Variants in ARHGDIB observed in about 807,000 individuals in gnomAD.
The protein encoded by ARHGDIB is Rho GDP dissociation inhibitor beta.
ARHGDIB carries 20 observed loss-of-function variants against 22.6 expected under a neutral mutation model. The ratio of observed to expected loss-of-function variants is 0.88; its 90% CI spans 0.62 to 1.28. The LOEUF (loss-of-function observed/expected upper bound fraction) is 1.28. Among genes scored for constraint, ARHGDIB ranks in the 50% most tolerant of loss-of-function variants. ARHGDIB has a pLI of 0.00. For missense variants in ARHGDIB, 254 were observed against 245.4 expected, an observed-to-expected ratio of 1.04 and a Z score of -0.23; for synonymous variants, 114 against 96.1, an observed-to-expected ratio of 1.19 and a Z score of -1.09.
intron 4 of ARHGDIB, 82 bp downstream of exon 4, chr12:14,947,791 C>T: frequency 8.1e-7 from 1 of 1,234,010 alleles, no homozygotes; most frequent in East Asian, 2.3e-5. Context: ...AAAAGTACCT[C>T]AACATGATCA....
intron 5 of ARHGDIB, among the ~76,000 whole-genome samples, chr12:14,943,286 G>A: frequency 6.6e-6 from 1 of 152,010 alleles, no homozygotes; most frequent in East Asian, 1.9e-4. Flanking sequence ...CCTTCTGTGG[G>A]TCCCAGGGAT....
At chr12:14,944,420 CTT>C (rs2120675540) in intron 5 of ARHGDIB, among the ~76,000 whole-genome samples, 1 of 151,772 alleles carries the variant, frequency 6.6e-6, no homozygotes, top group African/African-American at 2.4e-5. Context: ...TTCTCTGACA[CTT>C]GGGTTTTGTA....
rs548845351 is a variant in ARHGDIB at position 14,959,713 on chromosome 12, C to G, written c.-13+1824G>C. On this transcript the variant is annotated intron_variant, in intron 1 of 5. Coordinates refer to ENST00000228945, the MANE Select transcript of ARHGDIB (RefSeq NM_001175.7). ...AACAGAACCTTAATGTTGCTCAGAG[C>G]TAACTTCCCTAGGGGACAAACTCAT... 2.6e-3 allele frequency among the ~76,000 whole-genome samples: 398 copies of G among 152,290 alleles called. 2 individuals carry two copies. The highest frequency in any genetic ancestry group is 9.2e-3 in the African/African-American group (384 of 41,552).
At position 14,942,913 on chromosome 12, in the gene ARHGDIB, G is replaced by C. The variant is rs138066272; in HGVS notation, c.407-192C>G. Reference sequence around the variant, plus strand: ...GATGGAGTTTTGCTCTTGTTGTCCAGGCTGGAGTGCGGAAGCACAATCTCG... The same window carrying C: ...GATGGAGTTTTGCTCTTGTTGTCCACGCTGGAGTGCGGAAGCACAATCTCG... On this transcript the variant is annotated intron_variant, in intron 5 of 5. Coordinates refer to ENST00000228945, the MANE Select transcript of ARHGDIB (RefSeq NM_001175.7). Among the ~76,000 whole-genome samples the C allele has an allele frequency of 2.1e-3, 319 of 151,810 alleles. 1 individual carries two copies. The highest frequency in any genetic ancestry group is 7.3e-3 in the African/African-American group (303 of 41,352).
chr12:14,961,476 G>A (rs1864409964), intron 1 of ARHGDIB, 61 bp downstream of exon 1: 1 of 152,366 alleles, frequency 6.6e-6, no homozygotes, highest in Non-Finnish European at 1.5e-5. Flanking sequence ...CCCGTCTAGA[G>A]GTTTCCGACT....
chr12:14,947,847 A>G (rs1864057806), intron 4 of ARHGDIB, 26 bp downstream of exon 4: 1 of 1,551,528 alleles, frequency 6.4e-7, no homozygotes. Context: ...TAAACTTTAC[A>G]AAAACACACA....
At chr12:14,943,738 A>T (rs534146391) in intron 5 of ARHGDIB, among the ~76,000 whole-genome samples, 10 of 152,284 alleles carry the variant, frequency 6.6e-5, no homozygotes, top group Admixed American at 1.3e-4. Flanking sequence ...TAGGTGGTTA[A>T]CTGGAATATA....
Position 14,942,573 on chromosome 12 carries a change from G to T in ARHGDIB, c.555C>A (p.Asp185Glu), listed in dbSNP as rs760888228. Residue 185 changes from aspartate (D) to glutamate (E), a missense_variant, in exon 6 of 6, where the codon GAC becomes GAA. Transcript: ENST00000228945. ...KSFFTDDDKQ[D>E]HLSWEWNLSI... ...ACAGGTTCCACTCCCAGCTGAGGTG[G>T]TCTTGCTTGTCATCGTCGGTGAAGA... is the stretch of plus-strand genomic sequence containing the variant. 3 of 1,614,146 alleles carry T rather than the reference G, an allele frequency of 1.9e-6. No homozygotes were observed. Among genetic ancestry groups the T allele is most frequent in the Non-Finnish European group, 2.5e-6 (3 of 1,180,026 alleles).
chr12:14,954,483 C>T (rs777537073), intron 1 of ARHGDIB, among the ~76,000 whole-genome samples: 20 of 152,186 alleles, frequency 1.3e-4, no homozygotes, highest in Admixed American at 3.9e-4. Flanking sequence ...GTGGTCATTC[C>T]GTTTGATTTT....
chr12:14,948,033 G>A, intron 3 of ARHGDIB, 84 bp from the exon 4 acceptor site: 2 of 1,142,266 alleles, frequency 1.8e-6, no homozygotes, highest in Non-Finnish European at 2.6e-6. Context: ...GGAAAAATTT[G>A]TTGGGCCCAC....
intron 4 of ARHGDIB, among the ~76,000 whole-genome samples, chr12:14,945,054 T>C (rs1037679366): frequency 2.6e-5 from 4 of 152,216 alleles, no homozygotes; most frequent in African/African-American, 9.6e-5. Flanking sequence ...CTGGTTTAAT[T>C]ATCGAACATT....
At chr12:14,960,795 G>A (rs534142710) in intron 1 of ARHGDIB, among the ~76,000 whole-genome samples, 9 of 152,310 alleles carry the variant, frequency 5.9e-5, no homozygotes, top group African/African-American at 2.2e-4. Context: ...GAGCCACCAC[G>A]CCCAGCCCTA....
rs1179044880 is a variant in ARHGDIB at position 14,950,737 on chromosome 12, A to G, written c.-12-13T>C. The G allele has an allele frequency of 1.9e-6, 3 of 1,575,694 alleles. No homozygotes were observed. Among genetic ancestry groups the G allele is most frequent in the Non-Finnish European group, 2.6e-6 (3 of 1,165,260 alleles). ...TTCTGATCTATTTCTGGGAGACAGAATGACAGCCCGTTAGTCAACAAGTCA... is the reference window on the plus strand; with the variant it reads ...TTCTGATCTATTTCTGGGAGACAGAGTGACAGCCCGTTAGTCAACAAGTCA... On this transcript the variant is annotated splice_polypyrimidine_tract_variant and intron_variant, in intron 1 of 5. Coordinates refer to ENST00000228945, the MANE Select transcript of ARHGDIB (RefSeq NM_001175.7).
chr12:14,945,359 T>C (rs1166560591), intron 4 of ARHGDIB, among the ~76,000 whole-genome samples: 1 of 152,222 alleles, frequency 6.6e-6, no homozygotes, highest in Non-Finnish European at 1.5e-5. Context: ...GACTGCAATA[T>C]AACTGAAATA....
At chr12:14,949,753 T>C (rs1387311795) in intron 3 of ARHGDIB, 49 bp downstream of exon 3, 2 of 1,577,130 alleles carry the variant, frequency 1.3e-6, no homozygotes, top group East Asian at 4.5e-5. Context: ...CCAAGTTTTC[T>C]TTGTGATATC....
chr12:14,946,732 C>T (rs986591477), intron 4 of ARHGDIB, among the ~76,000 whole-genome samples: 4 of 152,136 alleles, frequency 2.6e-5, no homozygotes, highest in South Asian at 2.1e-4. Context: ...ATCTTAGTCA[C>T]GTCAAAATTT....
intron 3 of ARHGDIB, among the ~76,000 whole-genome samples, chr12:14,948,639 T>C (rs563198113): frequency 1.5e-4 from 23 of 152,338 alleles, no homozygotes; most frequent in Non-Finnish European, 3.1e-4. Context: ...CTTTTCTTCA[T>C]GCATAGCAGC....
chr12:14,942,869 C>G lies in ARHGDIB; in HGVS notation c.407-148G>C, dbSNP rs867038487. 26 of 652,734 alleles carry G rather than the reference C, an allele frequency of 4.0e-5. No individual in the cohort carries two copies. The African/African-American group carries it at 4.3e-4, about 11-fold the overall frequency. The allele number at this position is 652,734 out of a possible 1,614,324, so 40.4% of individuals were successfully genotyped here. Reference sequence around the variant, plus strand: ...AAATAAACATTAGATTTACCTGAGGCATCTTTTTTTTTTTTTAAGATGGAG... The same window carrying G: ...AAATAAACATTAGATTTACCTGAGGGATCTTTTTTTTTTTTTAAGATGGAG... On this transcript the variant is annotated intron_variant, in intron 5 of 5. Coordinates refer to ENST00000228945, the MANE Select transcript of ARHGDIB (RefSeq NM_001175.7).
chr12:14,958,938 C>T (rs931179413), intron 1 of ARHGDIB, among the ~76,000 whole-genome samples: 2 of 152,282 alleles, frequency 1.3e-5, no homozygotes, highest in African/African-American at 4.8e-5. Flanking sequence ...AATACAGGAT[C>T]CCGGGCAGCA....
Sources: gnomAD v4.1 joint callset for allele counts (sites outside exome capture counted in the v4.1 genomes callset) on GRCh38, gnomAD v4.1.1 for gene constraint, MANE v1.5 for transcripts, NCBI Gene and HGNC (gene_info 2026-07-23, HGNC 2026-07-21) for gene names.